The following NXPH1 variants were observed in gnomAD, a reference collection of about 807,000 sequenced individuals.
The protein encoded by NXPH1 is neurexophilin-1.
Under a neutral mutation model 23.7 loss-of-function variants are expected in NXPH1, and 5 were observed. The observed-to-expected ratio is 0.21, with a 90% CI of 0.11 to 0.44. The LOEUF (loss-of-function observed/expected upper bound fraction) is 0.44, where lower values mean the gene tolerates loss of function less well. NXPH1 is among the 20% of genes least tolerant of loss of function. The pLI is 0.99. For synonymous variants in NXPH1, 144 were observed against 122.2 expected (o/e 1.18, Z -1.18); for missense variants, 324 against 321.6 (o/e 1.01, Z -0.06).
intron 2 of NXPH1, among the ~76,000 whole-genome samples, chr7:8,528,680 A>C (rs906645249): frequency 2.6e-5 from 4 of 152,214 alleles, no homozygotes; most frequent in African/African-American, 9.6e-5. Flanking sequence ...TTTGTTGAAG[A>C]GTAGAAAGAG....
Position 8,435,508 on chromosome 7 carries a change from T to C in NXPH1, c.-110-96T>C, listed in dbSNP as rs565535212. 44 of 564,260 alleles carry C rather than the reference T, an allele frequency of 7.8e-5. No homozygotes were observed. The South Asian group carries it at 9.7e-4, about 12-fold the overall frequency. 35.0% of individuals were successfully genotyped at this position (564,260 alleles called of 1,614,324 possible). ...TACCCTCCCTCCCTTTTTTTTTTGG[T>C]CCCCCACTCCCCGCTACGACCCCCT... is the stretch of plus-strand genomic sequence containing the variant. On this transcript the variant is annotated intron_variant, in intron 1 of 2. Transcript: ENST00000405863. This position sits in a 1 kb window ranked among gnomAD's most constrained non-coding sequence, Gnocchi z 5.9.
chr7:8,536,706 G>C (rs1818033156), intron 2 of NXPH1, among the ~76,000 whole-genome samples: 1 of 151,690 alleles, frequency 6.6e-6, no homozygotes, highest in Non-Finnish European at 1.5e-5. Context: ...AAGAAGAAGA[G>C]AGACTGTTTA....
chr7:8,715,144 C>G (rs954271817), intron 2 of NXPH1, among the ~76,000 whole-genome samples: 1 of 152,202 alleles, frequency 6.6e-6, no homozygotes, highest in African/African-American at 2.4e-5. Flanking sequence ...CAATTCCCCT[C>G]TGGCTATGGC....
intron 2 of NXPH1, among the ~76,000 whole-genome samples, chr7:8,667,427 G>T (rs1050835611): frequency 6.8e-6 from 1 of 147,608 alleles, no homozygotes; most frequent in Non-Finnish European, 1.5e-5. Flanking sequence ...GTTTCTGAGA[G>T]TATCTTTGTC....
At chr7:8,524,241 C>CA (rs34744233) in intron 2 of NXPH1, among the ~76,000 whole-genome samples, 3,859 of 72,794 alleles carry the variant, frequency 0.053, 363 homozygotes, top group African/African-American at 0.18. Flanking sequence ...GACTCTGTCT[C>CA]AAAAAAAAAA....
chr7:8,614,131 A>T (rs1462108847), intron 2 of NXPH1, among the ~76,000 whole-genome samples: 1 of 151,744 alleles, frequency 6.6e-6, no homozygotes, highest in African/African-American at 2.4e-5. Context: ...TAATTATTGC[A>T]TAGTATTTCC....
chr7:8,743,760 T>C lies in NXPH1; in HGVS notation c.55-7248T>C, dbSNP rs535088307. Among the ~76,000 whole-genome samples, 102 of 151,406 alleles carry C rather than the reference T, an allele frequency of 6.7e-4. 1 individual carries two copies. The Middle Eastern group carries it at 0.01, about 15-fold the overall frequency. ...GTGCAGTGGCGTGATCTTGGTTCAC[T>C]GCAAGCTCCGCCTCCCGAGTTCATG... On this transcript the variant is annotated intron_variant, in intron 2 of 2. Coordinates refer to ENST00000405863, the MANE Select transcript of NXPH1 (RefSeq NM_152745.3).
chr7:8,499,055 C>G (rs1303265016), intron 2 of NXPH1, among the ~76,000 whole-genome samples: 1 of 152,020 alleles, frequency 6.6e-6, no homozygotes, highest in Non-Finnish European at 1.5e-5. Flanking sequence ...TGTAAAGCCT[C>G]CTATCAGGTA....
At chr7:8,697,845 C>G (rs1779559679) in intron 2 of NXPH1, among the ~76,000 whole-genome samples, 1 of 152,064 alleles carries the variant, frequency 6.6e-6, no homozygotes, top group Non-Finnish European at 1.5e-5. Flanking sequence ...GGCAAGAGAG[C>G]CAGTGTGTTT....
At chr7:8,466,508 G>A (rs1246745175) in intron 2 of NXPH1, among the ~76,000 whole-genome samples, 1 of 152,176 alleles carries the variant, frequency 6.6e-6, no homozygotes, top group Non-Finnish European at 1.5e-5. Flanking sequence ...GAATAAAGGT[G>A]TCTGCAACAT....
intron 2 of NXPH1, among the ~76,000 whole-genome samples, chr7:8,535,725 A>G (rs1356839182): frequency 6.6e-6 from 1 of 151,996 alleles, no homozygotes; most frequent in Non-Finnish European, 1.5e-5. Context: ...GTTCTTTTAG[A>G]TAAGGGATCA....
At chr7:8,710,336 G>A (rs1258697207) in intron 2 of NXPH1, among the ~76,000 whole-genome samples, 1 of 152,174 alleles carries the variant, frequency 6.6e-6, no homozygotes, top group Non-Finnish European at 1.5e-5. Context: ...GGGCAAATGG[G>A]CCTCCTTGCC....
intron 2 of NXPH1, among the ~76,000 whole-genome samples, chr7:8,497,563 G>A (rs544559337): frequency 1.1e-4 from 16 of 152,210 alleles, no homozygotes; most frequent in African/African-American, 3.6e-4. Flanking sequence ...TCTAACTGGT[G>A]TGAGATGGTA....
chr7:8,583,690 C>T (rs1348282969), intron 2 of NXPH1, among the ~76,000 whole-genome samples: 2 of 152,038 alleles, frequency 1.3e-5, no homozygotes, highest in African/African-American at 4.8e-5. Flanking sequence ...GAACAGGGGC[C>T]GAGAGCAACA....
intron 2 of NXPH1, among the ~76,000 whole-genome samples, chr7:8,555,247 T>C (rs537012303): frequency 1.3e-4 from 19 of 151,820 alleles, no homozygotes; most frequent in Admixed American, 3.3e-4. Context: ...CAGCACTCCA[T>C]TGGAGGCTGC....
intron 2 of NXPH1, among the ~76,000 whole-genome samples, chr7:8,581,991 G>T (rs554262260): frequency 3.7e-4 from 56 of 152,276 alleles, no homozygotes; most frequent in Admixed American, 5.9e-4. Context: ...AGTGGTGAGG[G>T]GTGTGTGGGT....
intron 2 of NXPH1, among the ~76,000 whole-genome samples, chr7:8,684,364 G>T (rs192371084): frequency 6.6e-6 from 1 of 152,080 alleles, no homozygotes; most frequent in Non-Finnish European, 1.5e-5. Context: ...TTTGATATGC[G>T]ATACTTGATG....
intron 2 of NXPH1, among the ~76,000 whole-genome samples, chr7:8,470,646 T>G (rs1266615014): frequency 6.6e-6 from 1 of 152,148 alleles, no homozygotes; most frequent in Non-Finnish European, 1.5e-5. Context: ...AGGGTGAGCA[T>G]GAAATAAACA....
At chr7:8,626,918 G>T (rs1401512069) in intron 2 of NXPH1, among the ~76,000 whole-genome samples, 1 of 151,794 alleles carries the variant, frequency 6.6e-6, no homozygotes, top group East Asian at 1.9e-4. Flanking sequence ...TCTTTACCAG[G>T]GTCTTTTTCC....
Sources: gnomAD v4.1 joint callset for allele counts (sites outside exome capture counted in the v4.1 genomes callset) on GRCh38, gnomAD v4.1.1 for gene constraint, Gnocchi (gnomAD v3.1) non-coding constraint, MANE v1.5 for transcripts, NCBI Gene and HGNC (gene_info 2026-07-23, HGNC 2026-07-21) for gene names.